PIK3C3: variants seen among roughly 807,000 people sequenced by gnomAD.
PIK3C3 encodes the protein PI3-kinase type 3.
A neutral mutation model predicts 126.1 loss-of-function variants in PIK3C3; 95 were observed. The observed-to-expected ratio is 0.75, with a 90% CI of 0.64 to 0.89. The LOEUF (loss-of-function observed/expected upper bound fraction) is 0.89. Among genes scored for constraint, PIK3C3 ranks in the 40% least tolerant of loss-of-function variants. PIK3C3 has a pLI of 0.00. For synonymous variants in PIK3C3, 374 were observed against 360.0 expected (o/e 1.04, Z -0.44); for missense variants, 829 against 1,063.2 (o/e 0.78, Z 3.06).
At chr18:41,958,388 T>C (rs1979900800) in intron 2 of PIK3C3, among the ~76,000 whole-genome samples, 1 of 152,182 alleles carries the variant, frequency 6.6e-6, no homozygotes, top group Admixed American at 6.5e-5. Flanking sequence ...GCGAGTGTTA[T>C]TCAGCACTCT....
chr18:41,970,145 A>C (rs1188591398), intron 3 of PIK3C3, among the ~76,000 whole-genome samples, 182 bp from the exon 4 acceptor site: 15 of 152,204 alleles, frequency 9.9e-5, no homozygotes, highest in Non-Finnish European at 1.5e-5. Flanking sequence ...GCATGTGCAA[A>C]GCAGTGTGAC....
At chr18:42,040,779 ATTC>A in intron 19 of PIK3C3, 38 bp downstream of exon 19, 2 of 1,297,236 alleles carry the variant, frequency 1.5e-6, no homozygotes, top group South Asian at 2.5e-5. Context: ...TCATGAATAT[ATTC>A]TTGTCATAAA....
At chr18:42,074,051 A>T (rs1027998319) in intron 24 of PIK3C3, among the ~76,000 whole-genome samples, 1 of 152,126 alleles carries the variant, frequency 6.6e-6, no homozygotes, top group East Asian at 1.9e-4. Context: ...TAACTCTTCC[A>T]TTTTTTAGTT....
At chr18:42,036,982 T>C (rs1598918484) in intron 16 of PIK3C3, among the ~76,000 whole-genome samples, 1 of 152,278 alleles carries the variant, frequency 6.6e-6, no homozygotes, top group African/African-American at 2.4e-5. Flanking sequence ...CTAAAAATAT[T>C]GTGTAAAATT....
At position 42,077,466 on chromosome 18, in the gene PIK3C3, T is replaced by G. The variant is rs1275246311; in HGVS notation, c.2650-3657T>G. ...AATTTATGGAATATTCTAAATCCTT[T>G]GTTGTCATTTCAACAATGTTCAAAG... On this transcript the variant is annotated intron_variant, in intron 24 of 24. Transcript: ENST00000262039. 2.0e-5 allele frequency among the ~76,000 whole-genome samples: 3 copies of G among 152,276 alleles called. No homozygotes were observed. The East Asian group carries it at 5.8e-4, about 29-fold the overall frequency.
At chr18:42,054,178 A>ATC (rs1984951310) in intron 21 of PIK3C3, among the ~76,000 whole-genome samples, 2 of 66,674 alleles carry the variant, frequency 3.0e-5, no homozygotes, top group African/African-American at 1.5e-4. Flanking sequence ...ATATATATAT[A>ATC]TATATATATA....
intron 20 of PIK3C3, among the ~76,000 whole-genome samples, chr18:42,048,849 A>G (rs540350078): frequency 1.3e-5 from 2 of 152,336 alleles, no homozygotes; most frequent in South Asian, 4.1e-4. Flanking sequence ...TTGTCAGGTT[A>G]TTAATGGTAG....
intron 18 of PIK3C3, among the ~76,000 whole-genome samples, chr18:42,039,656 C>G (rs552688652): frequency 6.6e-6 from 1 of 152,264 alleles, no homozygotes; most frequent in African/African-American, 2.4e-5. Flanking sequence ...TGCTCCATGG[C>G]CTATTAATTT....
At chr18:42,010,057 T>A (rs639660) in intron 10 of PIK3C3, among the ~76,000 whole-genome samples, 48,512 of 152,088 alleles carry the variant, frequency 0.32, 8,431 homozygotes, top group African/African-American at 0.45. Context: ...TTAGCATTTT[T>A]TCCACAGTAG....
chr18:42,067,301 T>A, intron 23 of PIK3C3, 87 bp from the exon 24 acceptor site: 1 of 1,196,356 alleles, frequency 8.4e-7, no homozygotes, highest in East Asian at 2.3e-5. Flanking sequence ...TCATGTTACC[T>A]TATAATGTCT....
At chr18:42,030,506 T>C (rs989167266) in intron 15 of PIK3C3, among the ~76,000 whole-genome samples, 1 of 152,294 alleles carries the variant, frequency 6.6e-6, no homozygotes, top group South Asian at 2.1e-4. Context: ...GAGGAAAATA[T>C]GAAGATTTGA....
chr18:42,068,368 T>A (rs1381831252), intron 24 of PIK3C3, among the ~76,000 whole-genome samples: 2 of 152,150 alleles, frequency 1.3e-5, no homozygotes, highest in African/African-American at 4.8e-5. Context: ...AATACTCTCT[T>A]TCTCTAAATA....
At chr18:41,993,652 T>C (rs532898830) in intron 7 of PIK3C3, among the ~76,000 whole-genome samples, 1 of 152,158 alleles carries the variant, frequency 6.6e-6, no homozygotes, top group East Asian at 1.9e-4. Flanking sequence ...AGTGAAGACT[T>C]GGCAGAACTG....
intron 3 of PIK3C3, among the ~76,000 whole-genome samples, chr18:41,969,658 C>T (rs1980555089): frequency 6.6e-6 from 1 of 152,168 alleles, no homozygotes; most frequent in African/African-American, 2.4e-5. Flanking sequence ...AAGGAGAAAT[C>T]AATTTGTACA....
intron 12 of PIK3C3, among the ~76,000 whole-genome samples, chr18:42,018,454 A>C (rs939120859): frequency 6.6e-6 from 1 of 152,142 alleles, no homozygotes; most frequent in Non-Finnish European, 1.5e-5. Context: ...TTAGGCCTAT[A>C]TTCTGCCTAT....
intron 24 of PIK3C3, among the ~76,000 whole-genome samples, chr18:42,069,858 C>CA (rs1353258406): frequency 6.6e-6 from 1 of 152,190 alleles, no homozygotes; most frequent in African/African-American, 2.4e-5. Context: ...TCTATAGCTA[C>CA]ACAAGCATCT....
rs184910617 is a variant in PIK3C3, at chr18:42,078,984, A to G, written c.2650-2139A>G. 2.1e-3 allele frequency among the ~76,000 whole-genome samples: 314 copies of G among 152,342 alleles called. 5 individuals carry two copies. The highest frequency in any genetic ancestry group is 5.0e-4 in the Non-Finnish European group (34 of 68,038). ...TATCCAGACCACAAAAACTTCCTCC[A>G]TATCAGCAATAAAGCTGTTTTGCTC... On this transcript the variant is annotated intron_variant, in intron 24 of 24. Transcript: ENST00000262039.
At chr18:42,038,915 A>G (rs1426590160) in intron 18 of PIK3C3, 65 bp downstream of exon 18, 1 of 1,092,546 alleles carries the variant, frequency 9.2e-7, no homozygotes, top group Non-Finnish European at 1.3e-6. Flanking sequence ...TTCAAATTGA[A>G]AATTTTTAAG....
rs375565376 is a variant in PIK3C3 at position 42,086,778 on chromosome 18, C to T, written c.*5641C>T. On this transcript the variant is annotated 3_prime_UTR_variant, in exon 25 of 25. Coordinates refer to ENST00000262039, the MANE Select transcript of PIK3C3 (RefSeq NM_002647.4). ...TTGAAAATTCATGAATAATCCACCC[C>T]TTGTTTAGCATATGATCAAGAAATA... The T allele has an allele frequency of 2.6e-5, 4 of 152,316 alleles. No individual in the cohort carries two copies. Among genetic ancestry groups the T allele is most frequent in the African/African-American group, 7.2e-5 (3 of 41,574 alleles). The allele number at this position is 152,316 out of a possible 1,614,324, so 9.4% of individuals were successfully genotyped here.
Sources: allele counts gnomAD v4.1 joint callset (sites outside exome capture counted in the v4.1 genomes callset), GRCh38; gene constraint gnomAD v4.1.1; transcripts MANE v1.5; gene names NCBI Gene and HGNC (gene_info 2026-07-23, HGNC 2026-07-21).